Variants in KSR2 observed in about 807,000 individuals in gnomAD.
KSR2 encodes the protein kinase suppressor of ras 2.
Under a neutral mutation model 107.8 loss-of-function variants are expected in KSR2, and 25 were observed. The ratio of observed to expected loss-of-function variants is 0.23; its 90% confidence interval spans 0.17 to 0.32. The LOEUF (loss-of-function observed/expected upper bound fraction) is 0.32. KSR2 is among the 10% of genes least tolerant of loss of function. The probability of loss-of-function intolerance (pLI) is 1.00; values close to 1 mark genes in which losing one functional copy is unlikely to be tolerated. For synonymous variants in KSR2, 480 were observed against 507.0 expected, an observed-to-expected ratio of 0.95 and a Z score of 0.71; for missense variants, 887 against 1,268.9, an observed-to-expected ratio of 0.70 and a Z score of 4.57.
intron 1 of KSR2, among the ~76,000 whole-genome samples, chr12:117,880,529 C>T (rs1207567164): frequency 6.6e-6 from 1 of 151,824 alleles, no homozygotes; most frequent in Non-Finnish European, 1.5e-5. Context: ...AAAATACAGG[C>T]TCCTGAAGAA....
chr12:117,949,893 T>C (rs1298305555), intron 1 of KSR2, among the ~76,000 whole-genome samples: 1 of 152,046 alleles, frequency 6.6e-6, no homozygotes, highest in African/African-American at 2.4e-5. Context: ...CCATTTTACA[T>C]CAAAAGAATA....
At chr12:117,873,596 G>C (rs549889673) in intron 1 of KSR2, among the ~76,000 whole-genome samples, 4 of 151,670 alleles carry the variant, frequency 2.6e-5, no homozygotes, top group Non-Finnish European at 4.4e-5. Context: ...CGGTAGCTAG[G>C]ATTACAGGTG....
intron 11 of KSR2, 95 bp from the exon 12 acceptor site, chr12:117,531,108 A>G: frequency 1.0e-6 from 1 of 1,003,192 alleles, no homozygotes; most frequent in Non-Finnish European, 1.6e-6. Flanking sequence ...CCAATTTTTC[A>G]CCAGATCTTG....
chr12:117,545,951 A>G lies in KSR2; in HGVS notation c.1519-6064T>C, dbSNP rs12579597. 6.6e-4 allele frequency among the ~76,000 whole-genome samples: 101 copies of G among 152,258 alleles called. 3 individuals are homozygous for G. The East Asian group carries it at 0.016, about 24-fold the overall frequency. Reference sequence around the variant, plus strand: ...TAATTGTCTTAAATATTTCCCGTACATATATATAGAACCACATCAGAAAGT... The same window carrying G: ...TAATTGTCTTAAATATTTCCCGTACGTATATATAGAACCACATCAGAAAGT... On this transcript the variant is annotated intron_variant, in intron 9 of 19. Transcript: ENST00000339824.
At chr12:117,699,834 G>A (rs186373360) in intron 4 of KSR2, among the ~76,000 whole-genome samples, 71 of 152,196 alleles carry the variant, frequency 4.7e-4, no homozygotes, top group Middle Eastern at 3.4e-3. Flanking sequence ...TGGCTATGAC[G>A]TCACTAGGTG....
At chr12:117,656,989 T>TATATATATATATATATATAATAGG (rs1884203144) in intron 5 of KSR2, among the ~76,000 whole-genome samples, 1 of 37,766 alleles carries the variant, frequency 2.6e-5, no homozygotes, top group African/African-American at 7.2e-5. Flanking sequence ...AGGATATATA[T>TATATATATATATATATATAATAGG]ATATATATAT....
chr12:117,649,876 G>A (rs1883813485), intron 5 of KSR2, among the ~76,000 whole-genome samples: 1 of 152,194 alleles, frequency 6.6e-6, no homozygotes, highest in Admixed American at 6.5e-5. Context: ...GACACAGCCT[G>A]CTAATTCAGG....
At chr12:117,888,872 G>A (rs1487260999) in intron 1 of KSR2, among the ~76,000 whole-genome samples, 1 of 152,096 alleles carries the variant, frequency 6.6e-6, no homozygotes, top group Non-Finnish European at 1.5e-5. Flanking sequence ...TTTCATTTTG[G>A]GGTGATGAAA....
chr12:117,579,390 T>C (rs1879502955), intron 6 of KSR2, among the ~76,000 whole-genome samples, 188 bp from the exon 7 acceptor site: 1 of 152,212 alleles, frequency 6.6e-6, no homozygotes, highest in African/African-American at 2.4e-5. Flanking sequence ...TAAGTCCAGA[T>C]AATAACAGTA....
At chr12:117,881,578 C>T (rs1894028433) in intron 1 of KSR2, among the ~76,000 whole-genome samples, 2 of 152,222 alleles carry the variant, frequency 1.3e-5, no homozygotes, top group South Asian at 4.1e-4. Flanking sequence ...TGCTCAGGCT[C>T]TTTCTGTATA....
At position 117,761,462 on chromosome 12, in the gene KSR2, TCTC is replaced by T; in HGVS notation, c.532_534del (p.Glu178del). 1 of 1,613,024 alleles carries T rather than the reference TCTC, an allele frequency of 6.2e-7. No individual in the cohort carries two copies. The highest frequency in any genetic ancestry group is 8.5e-7 in the Non-Finnish European group (1 of 1,179,592). ...GGCTCCGGGGGGCACACGGGATTGT[TCTC>T]CTTCCCCGTCTCTGTCGTGGGCCAC... On this transcript the variant is annotated inframe_deletion, in exon 4 of 20. Transcript: ENST00000339824.
chr12:117,533,569 G>C (rs993353437), intron 10 of KSR2, among the ~76,000 whole-genome samples: 1 of 151,988 alleles, frequency 6.6e-6, no homozygotes, highest in Non-Finnish European at 1.5e-5. Context: ...ATGACTTCAG[G>C]GACTGTTTTA....
Position 117,525,057 on chromosome 12 carries a change from T to C in KSR2, c.2014A>G (p.Ile672Val). Residue 672 changes from isoleucine (I) to valine (V), a missense_variant, in exon 14 of 20, where the codon ATT becomes GTT. By Grantham distance (29) the Ile-to-Val change is conservative. Around this residue, in one of 8 missense-constraint regions of KSR2, gnomAD observed 308 missense variants for 506.2 expected, o/e 0.61. Coordinates refer to ENST00000339824, the MANE Select transcript of KSR2 (RefSeq NM_173598.6). ...PFEQLEIGEL[I>V]GKGRFGQVYH... ...ACTTGCCCAAAGCGGCCCTTTCCAA[T>C]GAGCTCGCCGATCTCCAGCTGCTCA... 2 of 1,613,958 alleles carry C rather than the reference T, an allele frequency of 1.2e-6. No homozygotes were observed. The highest frequency in any genetic ancestry group is 1.7e-6 in the Non-Finnish European group (2 of 1,179,880).
chr12:117,488,175 C>G (rs1239472283), intron 14 of KSR2, among the ~76,000 whole-genome samples: 1 of 152,138 alleles, frequency 6.6e-6, no homozygotes, highest in African/African-American at 2.4e-5. Context: ...TGTGAGGCCT[C>G]TCCAGCCATG....
chr12:117,964,891 G>T (rs1896746951), intron 1 of KSR2, among the ~76,000 whole-genome samples: 1 of 152,182 alleles, frequency 6.6e-6, no homozygotes, highest in Non-Finnish European at 1.5e-5. Context: ...TTCTGACTAT[G>T]TGCCATGGCT....
chr12:117,861,538 G>A (rs371716037), intron 1 of KSR2, among the ~76,000 whole-genome samples: 7 of 151,554 alleles, frequency 4.6e-5, no homozygotes, highest in Non-Finnish European at 1.0e-4. Context: ...ACAGGCGCCC[G>A]CCACCACACC....
intron 3 of KSR2, among the ~76,000 whole-genome samples, chr12:117,784,469 C>T (rs140224792): frequency 7.9e-5 from 12 of 152,272 alleles, no homozygotes; most frequent in Middle Eastern, 3.4e-3. Context: ...CCCAGTCTCA[C>T]GTATGTCTTT....
intron 5 of KSR2, among the ~76,000 whole-genome samples, chr12:117,632,508 G>A (rs556659948): frequency 1.3e-5 from 2 of 152,184 alleles, no homozygotes; most frequent in African/African-American, 4.8e-5. Flanking sequence ...TTACAGGCAT[G>A]AGCCACCATG....
intron 3 of KSR2, among the ~76,000 whole-genome samples, chr12:117,796,905 A>G (rs4766876): frequency 0.12 from 17,655 of 152,128 alleles, 1,397 homozygotes; most frequent in Admixed American, 0.25. Flanking sequence ...GCCAGCCCAA[A>G]GTTTCTTAAT....
Sources: gnomAD v4.1 joint callset for allele counts (sites outside exome capture counted in the v4.1 genomes callset) on GRCh38, gnomAD v4.1.1 for gene constraint, gnomAD v4.1.1 regional missense constraint, MANE v1.5 for transcripts, NCBI Gene and HGNC (gene_info 2026-07-23, HGNC 2026-07-21) for gene names.